The following NOS1AP variants were observed in gnomAD, a reference collection of about 807,000 sequenced individuals.
NOS1AP encodes the protein carboxyl-terminal PDZ ligand of neuronal nitric oxide synthase protein.
In NOS1AP, 21 loss-of-function variants were observed where a neutral mutation model predicts 56.2. That is an observed-to-expected ratio of 0.37 (90% CI 0.26 to 0.54). The LOEUF is 0.54. NOS1AP is among the 20% of genes least tolerant of loss of function. The pLI is 0.84. For missense variants in NOS1AP, 522 were observed against 657.8 expected (o/e 0.79, Z 2.26); for synonymous variants, 270 against 274.6 (o/e 0.98, Z 0.17).
rs143909339 is a variant in NOS1AP at position 162,288,517 on chromosome 1, A to G, written c.270+1081A>G. 3.5e-3 allele frequency among the ~76,000 whole-genome samples: 526 copies of G among 152,328 alleles called. 9 individuals carry two copies. Among genetic ancestry groups the G allele is most frequent in the Non-Finnish European group, 2.6e-3 (177 of 68,018 alleles). ...ATCTTAAAGGGGACTTGTCATATCA[A>G]TCCAAGGGCTTAAATCTTGTTTATA... On this transcript the variant is annotated intron_variant, in intron 3 of 9. Transcript: ENST00000361897.
intron 2 of NOS1AP, among the ~76,000 whole-genome samples, chr1:162,196,104 A>G (rs1651798177): frequency 6.6e-6 from 1 of 152,224 alleles, no homozygotes; most frequent in Non-Finnish European, 1.5e-5. Context: ...CCAGTGCCTC[A>G]GTGCTTTGTT....
At chr1:162,327,425 A>G (rs1315397177) in intron 4 of NOS1AP, among the ~76,000 whole-genome samples, 1 of 152,242 alleles carries the variant, frequency 6.6e-6, no homozygotes, top group African/African-American at 2.4e-5. Flanking sequence ...TTGCAAAAAT[A>G]AAATATTGCA....
intron 3 of NOS1AP, among the ~76,000 whole-genome samples, chr1:162,297,659 T>C (rs759519719): frequency 6.6e-6 from 1 of 152,158 alleles, no homozygotes; most frequent in African/African-American, 2.4e-5. Context: ...TCTGACCCAC[T>C]GTATTCATGT....
rs902407329 is a variant in NOS1AP at position 162,322,008 on chromosome 1, G to A, written c.345-11009G>A. Reference sequence around the variant, plus strand: ...CAAAAGAAGCCCAAACTCCAGCCTTGCGCAATATATCCGTGTAACAAACCT... The same window carrying A: ...CAAAAGAAGCCCAAACTCCAGCCTTACGCAATATATCCGTGTAACAAACCT... On this transcript the variant is annotated intron_variant, in intron 4 of 9. Transcript: ENST00000361897. Among the ~76,000 whole-genome samples the A allele has an allele frequency of 5.3e-5, 8 of 152,082 alleles. No individual in the cohort carries two copies. In the South Asian group the frequency reaches 1.5e-3, roughly 28 times the overall value.
chr1:162,130,027 G>C (rs970120992), intron 1 of NOS1AP, among the ~76,000 whole-genome samples: 1 of 152,196 alleles, frequency 6.6e-6, no homozygotes, highest in Admixed American at 6.5e-5. Flanking sequence ...TAAGGGAGAT[G>C]CTGTGCTAGA....
intron 2 of NOS1AP, among the ~76,000 whole-genome samples, chr1:162,262,699 T>C (rs915311488): frequency 1.3e-5 from 2 of 152,208 alleles, no homozygotes; most frequent in African/African-American, 2.4e-5. Flanking sequence ...TCCTTAATGG[T>C]TAATCATCAC....
chr1:162,285,077 A>T (rs1655048128), intron 2 of NOS1AP, among the ~76,000 whole-genome samples: 4 of 152,222 alleles, frequency 2.6e-5, no homozygotes, highest in African/African-American at 9.6e-5. Context: ...AAAGTGATAT[A>T]CTGTAAGAGA....
At chr1:162,324,351 G>A (rs373732508) in intron 4 of NOS1AP, among the ~76,000 whole-genome samples, 4 of 149,428 alleles carry the variant, frequency 2.7e-5, no homozygotes, top group African/African-American at 9.8e-5. Flanking sequence ...GAGTGTTGGA[G>A]AGAAATTAAA....
At chr1:162,180,041 A>T (rs1651197252) in intron 2 of NOS1AP, among the ~76,000 whole-genome samples, 1 of 152,148 alleles carries the variant, frequency 6.6e-6, no homozygotes, top group African/African-American at 2.4e-5. Context: ...GGTGAGGACC[A>T]GCATTATGCA....
At chr1:162,087,278 T>TA (rs1372385296) in intron 1 of NOS1AP, among the ~76,000 whole-genome samples, 1 of 152,154 alleles carries the variant, frequency 6.6e-6, no homozygotes, top group African/African-American at 2.4e-5. Context: ...TGTTTTCTGT[T>TA]AAAAATATGT....
intron 2 of NOS1AP, among the ~76,000 whole-genome samples, chr1:162,230,078 A>G (rs1018723667): frequency 6.6e-6 from 1 of 152,174 alleles, no homozygotes; most frequent in Non-Finnish European, 1.5e-5. Flanking sequence ...AGAGTGTCCA[A>G]GGAAGAATAA....
At chr1:162,198,662 C>T (rs1651883617) in intron 2 of NOS1AP, among the ~76,000 whole-genome samples, 1 of 152,110 alleles carries the variant, frequency 6.6e-6, no homozygotes, top group African/African-American at 2.4e-5. Context: ...AATGATTGTT[C>T]CTCTGACTCA....
intron 2 of NOS1AP, among the ~76,000 whole-genome samples, chr1:162,170,847 G>T (rs1479991254): frequency 2.0e-5 from 3 of 152,026 alleles, no homozygotes; most frequent in African/African-American, 4.8e-5. Flanking sequence ...GCTGAGGCAG[G>T]AGAATCGCTT....
intron 2 of NOS1AP, among the ~76,000 whole-genome samples, chr1:162,234,852 A>G (rs1653234183): frequency 6.6e-6 from 1 of 152,182 alleles, no homozygotes. Flanking sequence ...GGGGAATTGT[A>G]GCCACATAGA....
At chr1:162,127,651 G>T (rs535681884) in intron 1 of NOS1AP, among the ~76,000 whole-genome samples, 1 of 152,298 alleles carries the variant, frequency 6.6e-6, no homozygotes, top group East Asian at 1.9e-4. Context: ...GAACGTGAAG[G>T]GGGAGCAGGC....
intron 1 of NOS1AP, among the ~76,000 whole-genome samples, chr1:162,104,363 G>A (rs986395460): frequency 1.2e-4 from 19 of 152,194 alleles, no homozygotes; most frequent in African/African-American, 4.3e-4. Context: ...TTCAACCTTG[G>A]AGGATCTGAC....
intron 9 of NOS1AP, among the ~76,000 whole-genome samples, chr1:162,366,524 G>A (rs888561744): frequency 2.6e-5 from 4 of 152,208 alleles, no homozygotes; most frequent in East Asian, 3.9e-4. Context: ...TTTTAAAAAT[G>A]CGTCTTTCCT....
chr1:162,083,668 A>AT (rs1691940668), intron 1 of NOS1AP, among the ~76,000 whole-genome samples: 1 of 152,158 alleles, frequency 6.6e-6, no homozygotes, highest in Non-Finnish European at 1.5e-5. Context: ...ACGTAAATGC[A>AT]TTTTTTTCCT....
intron 1 of NOS1AP, among the ~76,000 whole-genome samples, chr1:162,108,603 G>A (rs1352963188): frequency 1.3e-5 from 2 of 152,048 alleles, no homozygotes; most frequent in African/African-American, 4.8e-5. Flanking sequence ...TTATTATTTT[G>A]TAATTCCTAG....
Sources: gnomAD v4.1 joint callset for allele counts (sites outside exome capture counted in the v4.1 genomes callset) on GRCh38, gnomAD v4.1.1 for gene constraint, MANE v1.5 for transcripts, NCBI Gene and HGNC (gene_info 2026-07-23, HGNC 2026-07-21) for gene names.